The following ZBTB8A variants were observed in gnomAD, a reference collection of about 807,000 sequenced individuals.
The protein encoded by ZBTB8A is zinc finger and BTB domain-containing protein 8A.
A neutral mutation model predicts 37.8 loss-of-function variants in ZBTB8A; 19 were observed. That is an observed-to-expected ratio of 0.50 (90% CI 0.35 to 0.74). ZBTB8A has a LOEUF of 0.74. Among genes scored for constraint, ZBTB8A ranks in the 30% least tolerant of loss-of-function variants. The pLI, the probability that ZBTB8A is intolerant of heterozygous loss-of-function variation, is 0.01. For missense variants in ZBTB8A, 394 were observed against 537.8 expected, an observed-to-expected ratio of 0.73 and a Z score of 2.65; for synonymous variants, 181 against 185.2, an observed-to-expected ratio of 0.98 and a Z score of 0.19.
At chr1:32,548,002 C>T (rs139106495) in intron 1 of ZBTB8A, among the ~76,000 whole-genome samples, 2 of 150,538 alleles carry the variant, frequency 1.3e-5, no homozygotes, top group African/African-American at 4.9e-5. Flanking sequence ...GCATGGTGGC[C>T]GGCACCTGTA....
intron 2 of ZBTB8A, among the ~76,000 whole-genome samples, chr1:32,584,767 G>A (rs548084640): frequency 7.4e-5 from 11 of 149,274 alleles, no homozygotes; most frequent in East Asian, 4.0e-4. Context: ...TGATCCTCCC[G>A]CCTTGGCCTC....
intron 2 of ZBTB8A, among the ~76,000 whole-genome samples, chr1:32,556,471 A>G (rs928988071): frequency 6.6e-6 from 1 of 152,086 alleles, no homozygotes; most frequent in Admixed American, 6.6e-5. Context: ...GGGCCTAAGC[A>G]ATCCACTGTC....
intron 2 of ZBTB8A, among the ~76,000 whole-genome samples, chr1:32,564,364 T>C (rs2148227282): frequency 6.6e-6 from 1 of 152,326 alleles, no homozygotes; most frequent in East Asian, 1.9e-4. Flanking sequence ...CGTAATACTT[T>C]TGGGCCACTT....
chr1:32,575,362 G>A (rs1422078401), intron 2 of ZBTB8A, among the ~76,000 whole-genome samples: 1 of 151,098 alleles, frequency 6.6e-6, no homozygotes, highest in Non-Finnish European at 1.5e-5. Flanking sequence ...GAGTAGCTGG[G>A]ATTACAGGTG....
chr1:32,572,555 C>T (rs1644329938), intron 2 of ZBTB8A, among the ~76,000 whole-genome samples: 1 of 152,022 alleles, frequency 6.6e-6, no homozygotes, highest in African/African-American at 2.4e-5. Flanking sequence ...ACCACCACAC[C>T]TGGCTAATTT....
chr1:32,591,837 TTTTGTTTG>T (rs1042192917), intron 2 of ZBTB8A, among the ~76,000 whole-genome samples: 4 of 152,122 alleles, frequency 2.6e-5, no homozygotes, highest in African/African-American at 9.6e-5. Context: ...TTTTTTTGTT[TTTTGTTTG>T]TTTGTTTGTT....
chr1:32,540,660 A>C lies in ZBTB8A; in HGVS notation c.-84+1088A>C, dbSNP rs542459274. ...TAACACAGCGCTTCCCTGCTCTAAA[A>C]ACCTTAACTGATCTTTTTCAGGAAA... On this transcript the variant is annotated intron_variant, in intron 1 of 4. Transcript: ENST00000373510. Among the ~76,000 whole-genome samples the C allele has an allele frequency of 2.6e-3, 402 of 152,204 alleles. 2 individuals carry two copies. Among genetic ancestry groups the C allele is most frequent in the Non-Finnish European group, 4.2e-3 (286 of 68,014 alleles).
chr1:32,560,202 GC>G (rs1644232807), intron 2 of ZBTB8A, among the ~76,000 whole-genome samples: 1 of 152,090 alleles, frequency 6.6e-6, no homozygotes, highest in South Asian at 2.1e-4. Flanking sequence ...TGAGAACTCT[GC>G]CCCAATGGTC....
At chr1:32,582,212 C>T (rs1644412254) in intron 2 of ZBTB8A, among the ~76,000 whole-genome samples, 1 of 152,068 alleles carries the variant, frequency 6.6e-6, no homozygotes, top group African/African-American at 2.4e-5. Context: ...TAACTTGATG[C>T]TCAAAGGAAA....
intron 2 of ZBTB8A, among the ~76,000 whole-genome samples, chr1:32,566,811 G>T (rs9425886): frequency 0.62 from 94,106 of 151,904 alleles, 30,402 homozygotes; most frequent in African/African-American, 0.81. Context: ...GAGGAATGTT[G>T]CAGACACAAG....
intron 2 of ZBTB8A, among the ~76,000 whole-genome samples, chr1:32,567,394 G>C (rs941700804): frequency 6.6e-6 from 1 of 152,066 alleles, no homozygotes; most frequent in Non-Finnish European, 1.5e-5. Flanking sequence ...AACCATATCA[G>C]GGATCTTCTC....
At chr1:32,552,644 C>T (rs374116831) in intron 1 of ZBTB8A, among the ~76,000 whole-genome samples, 4 of 151,646 alleles carry the variant, frequency 2.6e-5, no homozygotes, top group African/African-American at 4.8e-5. Context: ...CCAGCCTGGG[C>T]GACAGAGTGA....
intron 2 of ZBTB8A, among the ~76,000 whole-genome samples, chr1:32,568,456 T>G (rs1447645854): frequency 6.6e-6 from 1 of 151,990 alleles, no homozygotes; most frequent in East Asian, 2.0e-4. Context: ...GCGTGATCTC[T>G]GCTCACTGCA....
rs185719052 is a variant in ZBTB8A, at chr1:32,548,259, A to T, written c.-83-5200A>T. Among the ~76,000 whole-genome samples the T allele has an allele frequency of 4.3e-3, 648 of 151,044 alleles. 6 individuals carry two copies. The highest frequency in any genetic ancestry group is 0.014 in the African/African-American group (579 of 41,138). On this transcript the variant is annotated intron_variant, in intron 1 of 4. Coordinates refer to ENST00000373510, the MANE Select transcript of ZBTB8A (RefSeq NM_001040441.3). ...ATGTAGTTTTGAAATGATCGCTCTC[A>T]CTCTCTCTAGGTACATGAATATGAT... is the stretch of plus-strand genomic sequence containing the variant.
chr1:32,558,175 T>C (rs1337266043), intron 2 of ZBTB8A, among the ~76,000 whole-genome samples: 1 of 152,146 alleles, frequency 6.6e-6, no homozygotes, highest in Non-Finnish European at 1.5e-5. Context: ...GGAAGGCATT[T>C]GCCTCTAAGA....
chr1:32,580,658 G>A (rs1029709586), intron 2 of ZBTB8A, among the ~76,000 whole-genome samples: 3 of 152,130 alleles, frequency 2.0e-5, no homozygotes, highest in South Asian at 2.1e-4. Flanking sequence ...TCGGAAGGCC[G>A]TTTGTCAGTA....
chr1:32,546,453 A>AC lies in ZBTB8A; in HGVS notation c.-84+6881_-84+6882insC, dbSNP rs1310104720. ...AGTGAGACTCTGTCTCAAAAAAAAA[A>AC]ATAAATAAATAAATAAAAGATTTTT... On this transcript the variant is annotated intron_variant, in intron 1 of 4. Transcript: ENST00000373510. Among the ~76,000 whole-genome samples, 59 of 128,922 alleles carry AC rather than the reference A, an allele frequency of 4.6e-4. 1 individual carries two copies. Among genetic ancestry groups the AC allele is most frequent in the South Asian group, 3.8e-3 (17 of 4,500 alleles). The allele number at this position is 128,922 out of a possible 152,430, so 84.6% of individuals were successfully genotyped here. A position where few individuals can be genotyped will look rare whatever the true frequency, so the allele number is the denominator to read the frequency against.
At chr1:32,548,786 G>A (rs994167298) in intron 1 of ZBTB8A, among the ~76,000 whole-genome samples, 2 of 152,168 alleles carry the variant, frequency 1.3e-5, no homozygotes, top group East Asian at 1.9e-4. Flanking sequence ...GCCAGGCACT[G>A]TTATAAGCAC....
chr1:32,573,247 T>G (rs1198901013), intron 2 of ZBTB8A, among the ~76,000 whole-genome samples: 1 of 150,388 alleles, frequency 6.6e-6, no homozygotes, highest in Non-Finnish European at 1.5e-5. Flanking sequence ...ATTTTTTTTT[T>G]TTTTTTTTAG....
Sources: allele counts gnomAD v4.1 joint callset (sites outside exome capture counted in the v4.1 genomes callset), GRCh38; gene constraint gnomAD v4.1.1; transcripts MANE v1.5; gene names NCBI Gene and HGNC (gene_info 2026-07-23, HGNC 2026-07-21).